PCDHGA5: variants seen among roughly 807,000 people sequenced by gnomAD.
The protein encoded by PCDHGA5 is protocadherin gamma-A5.
A neutral mutation model predicts 56.7 loss-of-function variants in PCDHGA5; 36 were observed. The observed-to-expected ratio is 0.64, with a 90% CI of 0.49 to 0.84. The LOEUF is 0.84. Among genes scored for constraint, PCDHGA5 ranks in the 40% least tolerant of loss-of-function variants. The probability of loss-of-function intolerance (pLI) is 0.00; values close to 1 mark genes in which losing one functional copy is unlikely to be tolerated. For missense variants in PCDHGA5, 1,305 were observed against 1,201.5 expected, an observed-to-expected ratio of 1.09 and a Z score of -1.27; for synonymous variants, 563 against 520.2, an observed-to-expected ratio of 1.08 and a Z score of -1.12.
chr5:141,374,092 T>G, intron 1 of PCDHGA5: 2 of 1,537,780 alleles, frequency 1.3e-6, no homozygotes. Flanking sequence ...TAATGGCGCC[T>G]CCGCAGAGGC....
rs561392729 is a variant in PCDHGA5, at chr5:141,475,706, G to T, written c.2422-19101G>T. On this transcript the variant is annotated intron_variant, in intron 1 of 3. Transcript: ENST00000518069. ...GGATTGGAGACTTGCAGAACGGCTA[G>T]CCTCACAGCCCCAAGGCTGGCTTTC... Among the ~76,000 whole-genome samples the T allele has an allele frequency of 7.2e-5, 11 of 152,364 alleles. 1 individual carries two copies. In the South Asian group the frequency reaches 2.3e-3, roughly 32 times the overall value.
intron 1 of PCDHGA5, chr5:141,392,926 A>G (rs1180746876): frequency 9.3e-6 from 15 of 1,613,946 alleles, no homozygotes; most frequent in Non-Finnish European, 1.3e-5. Context: ...GTGCCAGAAG[A>G]GACGGACAAA....
rs2095830931 is a variant in PCDHGA5 at position 141,415,116 on chromosome 5, A to G, written c.2421+48365A>G. 3 of 1,613,652 alleles carry G rather than the reference A, an allele frequency of 1.9e-6. No individual in the cohort carries two copies. The East Asian group carries it at 6.7e-5, about 36-fold the overall frequency. On this transcript the variant is annotated intron_variant, in intron 1 of 3. Transcript: ENST00000518069. The stretch of plus-strand genomic sequence containing the variant: ...GAGACGCGCTCAAGCAAAGCCTCGT[A>G]GTGGCCGTCCAGGACCACGGCCAGC...
intron 1 of PCDHGA5, chr5:141,394,971 C>T: frequency 6.2e-7 from 1 of 1,613,938 alleles, no homozygotes. Context: ...GAGGCGCTGG[C>T]ACAAGTCACG....
intron 1 of PCDHGA5, chr5:141,409,995 C>T: frequency 1.2e-6 from 2 of 1,613,308 alleles, no homozygotes; most frequent in Non-Finnish European, 1.7e-6. Context: ...GACGCCGACT[C>T]GGGACACAAC....
chr5:141,431,774 G>T lies in PCDHGA5; in HGVS notation c.2422-63033G>T. Reference sequence around the variant, plus strand: ...AGCCAAAGTCCTGATCACTGTTCTGGACGTGAACGACAATGCCCCAGAAGT... The same window carrying T: ...AGCCAAAGTCCTGATCACTGTTCTGTACGTGAACGACAATGCCCCAGAAGT... On this transcript the variant is annotated intron_variant, in intron 1 of 3. Transcript: ENST00000518069. This position sits in a 1 kb window ranked among gnomAD's most constrained non-coding sequence, Gnocchi z 4.8. 5 of 1,614,204 alleles carry T rather than the reference G, an allele frequency of 3.1e-6. No individual in the cohort carries two copies. The highest frequency in any genetic ancestry group is 4.2e-6 in the Non-Finnish European group (5 of 1,180,038).
At chr5:141,430,935 T>G (rs748546768) in intron 1 of PCDHGA5, 1 of 1,607,814 alleles carries the variant, frequency 6.2e-7, no homozygotes. Context: ...CCCCGGGAGC[T>G]CGCGGAGCGC....
At chr5:141,410,903 G>C (rs191165984) in intron 1 of PCDHGA5, 2 of 276,978 alleles carry the variant, frequency 7.2e-6, no homozygotes, top group South Asian at 4.9e-5. Context: ...GCCTAGGCTG[G>C]AGTGCAGTGG....
chr5:141,384,492 A>G, intron 1 of PCDHGA5: 1 of 1,614,164 alleles, frequency 6.2e-7, no homozygotes, highest in South Asian at 1.1e-5. Flanking sequence ...TACAACTAAG[A>G]GTGACTGCAC....
At chr5:141,414,300 G>T in intron 1 of PCDHGA5, 7 of 1,613,560 alleles carry the variant, frequency 4.3e-6, no homozygotes, top group Non-Finnish European at 5.9e-6. Context: ...TTTTAAATGT[G>T]CATGATTTAG....
intron 1 of PCDHGA5, among the ~76,000 whole-genome samples, chr5:141,452,054 C>A (rs578157525): frequency 6.4e-4 from 97 of 152,196 alleles, no homozygotes; most frequent in African/African-American, 2.2e-3. Flanking sequence ...TTTGTAATAA[C>A]TTATTCTACT....
At position 141,489,586 on chromosome 5, in the gene PCDHGA5, C is replaced by T; in HGVS notation, c.2422-5221C>T. 1 of 1,614,082 alleles carries T rather than the reference C, an allele frequency of 6.2e-7. No individual in the cohort carries two copies. The highest frequency in any genetic ancestry group is 8.5e-7 in the Non-Finnish European group (1 of 1,179,988). On this transcript the variant is annotated intron_variant, in intron 1 of 3. Coordinates refer to ENST00000518069, the MANE Select transcript of PCDHGA5 (RefSeq NM_018918.3). This position sits in a 1 kb window ranked among gnomAD's most constrained non-coding sequence, Gnocchi z 4.5. ...GGTGGTGACTGAACACCCCCTGGAG[C>T]TAATCCGTGTAGAGGTAGAGATCCT...
In PCDHGA5 at chr5:141,414,957, G is replaced by C. The variant is rs550492051; in HGVS notation, c.2421+48206G>C. 9.2e-5 allele frequency: 148 copies of C among 1,614,018 alleles called. No homozygotes were observed. Among genetic ancestry groups the C allele is most frequent in the Non-Finnish European group, 1.2e-4 (144 of 1,180,044 alleles). ...CAGAGCCCGGCTACCTGGTGACCAA[G>C]GTGGTGGCGGTGGACAGAGACTCCG... is the stretch of plus-strand genomic sequence containing the variant. On this transcript the variant is annotated intron_variant, in intron 1 of 3. Coordinates refer to ENST00000518069, the MANE Select transcript of PCDHGA5 (RefSeq NM_018918.3).
At chr5:141,394,782 A>T (rs779984453) in intron 1 of PCDHGA5, 1 of 1,613,558 alleles carries the variant, frequency 6.2e-7, no homozygotes. Flanking sequence ...TCTCTCCGCC[A>T]CTGTCACGCT....
intron 1 of PCDHGA5, among the ~76,000 whole-genome samples, chr5:141,460,183 CCA>C (rs561755067): frequency 7.2e-5 from 11 of 151,782 alleles, no homozygotes; most frequent in Non-Finnish European, 1.0e-4. Context: ...ATATTTTATC[CCA>C]GACTATGACT....
rs9324847 is a variant in PCDHGA5, at chr5:141,376,094, A to C, written c.2421+9343A>C. The C allele has an allele frequency of 5.1e-3, 8,284 of 1,613,546 alleles. 340 individuals are homozygous for C. In the African/African-American group the frequency reaches 0.097, roughly 19 times the overall value. On this transcript the variant is annotated intron_variant, in intron 1 of 3. Transcript: ENST00000518069. ...GGCCGTGGCCGACAGGATCCCCGAC[A>C]TCCTGGCCGACCTGGGCAGCCTCGA...
At chr5:141,400,064 G>A in intron 1 of PCDHGA5, 1 of 1,613,770 alleles carries the variant, frequency 6.2e-7, no homozygotes, top group Non-Finnish European at 8.5e-7. Context: ...CGTGATGGTG[G>A]ACAGCCGCCA....
rs2099403992 is a variant in PCDHGA5, at chr5:141,477,030, C to T, written c.2422-17777C>T. On this transcript the variant is annotated intron_variant, in intron 1 of 3. Transcript: ENST00000518069. This position sits in a 1 kb window ranked among gnomAD's most constrained non-coding sequence, Gnocchi z 4.9. ...TTAGACCTTGTAACCGGGATGCTGACAATCAAGGGTCGGCTGGACTTCGAG... is the reference window on the plus strand; with the variant it reads ...TTAGACCTTGTAACCGGGATGCTGATAATCAAGGGTCGGCTGGACTTCGAG... The T allele has an allele frequency of 1.2e-6, 2 of 1,614,272 alleles. No homozygotes were observed. The highest frequency in any genetic ancestry group is 1.6e-4 in the Middle Eastern group (1 of 6,062).
intron 3 of PCDHGA5, among the ~76,000 whole-genome samples, chr5:141,509,700 TGGA>T (rs1407159498): frequency 6.6e-6 from 1 of 152,192 alleles, no homozygotes; most frequent in East Asian, 1.9e-4. Flanking sequence ...GACGTTGGAC[TGGA>T]GGTGCTGTCT....
Sources: gnomAD v4.1 joint callset for allele counts (sites outside exome capture counted in the v4.1 genomes callset) on GRCh38, gnomAD v4.1.1 for gene constraint, Gnocchi (gnomAD v3.1) non-coding constraint, MANE v1.5 for transcripts, NCBI Gene and HGNC (gene_info 2026-07-23, HGNC 2026-07-21) for gene names.